The following GRM7 variants were observed in gnomAD, a reference collection of about 807,000 sequenced individuals.
GRM7 encodes the protein metabotropic glutamate receptor 7.
GRM7 carries 35 observed loss-of-function variants against 84.5 expected under a neutral mutation model. The ratio of observed to expected loss-of-function variants is 0.41; its 90% CI spans 0.32 to 0.55. The LOEUF (loss-of-function observed/expected upper bound fraction) is 0.55, where lower values mean the gene tolerates loss of function less well. Among genes scored for constraint, GRM7 ranks in the 20% least tolerant of loss-of-function variants. The pLI is 0.19. For synonymous variants in GRM7, 487 were observed against 455.1 expected, an observed-to-expected ratio of 1.07 and a Z score of -0.89; for missense variants, 1,003 against 1,194.6, an observed-to-expected ratio of 0.84 and a Z score of 2.36.
intron 1 of GRM7, among the ~76,000 whole-genome samples, chr3:6,952,251 C>T (rs764862778): frequency 1.8e-4 from 27 of 152,206 alleles, no homozygotes; most frequent in Non-Finnish European, 3.5e-4. Flanking sequence ...TCCAAGTCCT[C>T]AACCCACTAT....
intron 1 of GRM7, among the ~76,000 whole-genome samples, chr3:7,128,662 A>G (rs1693485893): frequency 9.4e-6 from 1 of 106,450 alleles, no homozygotes; most frequent in Non-Finnish European, 2.2e-5. Context: ...ACCCACCACC[A>G]CGCCCAGCTA....
At chr3:7,169,760 GATAA>G (rs770148157) in intron 2 of GRM7, among the ~76,000 whole-genome samples, 1 of 152,098 alleles carries the variant, frequency 6.6e-6, no homozygotes. Flanking sequence ...ATAAATAGGA[GATAA>G]ATAGAGACGT....
chr3:7,291,876 A>G (rs1699641581), intron 2 of GRM7, among the ~76,000 whole-genome samples: 1 of 152,148 alleles, frequency 6.6e-6, no homozygotes, highest in Non-Finnish European at 1.5e-5. Context: ...GGAGGGGCCC[A>G]GTGGGAGATA....
chr3:7,096,634 G>A (rs142863978), intron 1 of GRM7, among the ~76,000 whole-genome samples: 224 of 152,170 alleles, frequency 1.5e-3, no homozygotes, highest in African/African-American at 5.0e-3. Flanking sequence ...GAAATCATTG[G>A]CCACATGAGT....
intron 1 of GRM7, among the ~76,000 whole-genome samples, chr3:7,093,153 CCTTTGCCATTCACT>C (rs1698728060): frequency 6.6e-6 from 1 of 152,054 alleles, no homozygotes; most frequent in African/African-American, 2.4e-5. Context: ...GATGCAGAGA[CCTTTGCCATTCACT>C]CTCTTCCACT....
chr3:7,353,778 A>T (rs904438545), intron 4 of GRM7, among the ~76,000 whole-genome samples: 2 of 152,126 alleles, frequency 1.3e-5, no homozygotes, highest in Admixed American at 6.5e-5. Context: ...GAAGAATTGG[A>T]TCCTGGGGTG....
intron 7 of GRM7, among the ~76,000 whole-genome samples, chr3:7,548,738 C>T (rs991215675): frequency 2.0e-5 from 3 of 152,286 alleles, no homozygotes; most frequent in Non-Finnish European, 2.9e-5. Context: ...CATTTTGAAG[C>T]ACTAGTGTGT....
intron 1 of GRM7, among the ~76,000 whole-genome samples, chr3:7,136,772 G>T (rs944689646): frequency 6.6e-6 from 1 of 152,036 alleles, no homozygotes; most frequent in Admixed American, 6.6e-5. Flanking sequence ...TTCCTATGCT[G>T]TTCCCAATAG....
rs79062627 is a variant in GRM7, at chr3:7,550,746, G to A, written c.1516-27676G>A. 1.5e-3 allele frequency among the ~76,000 whole-genome samples: 229 copies of A among 151,974 alleles called. 1 individual carries two copies. Among genetic ancestry groups the A allele is most frequent in the African/African-American group, 5.3e-3 (220 of 41,436 alleles). ...TGCCCTGGATCACCCAGCAAACTCA[G>A]GTACGCTGGTGTTTGGTCTATAGCT... On this transcript the variant is annotated intron_variant, in intron 7 of 9. Coordinates refer to ENST00000357716, the MANE Select transcript of GRM7 (RefSeq NM_000844.4).
At chr3:7,506,075 G>A (rs979517236) in intron 7 of GRM7, among the ~76,000 whole-genome samples, 1 of 152,042 alleles carries the variant, frequency 6.6e-6, no homozygotes, top group Non-Finnish European at 1.5e-5. Flanking sequence ...TAGCCATTAA[G>A]CAGCCTGCAT....
chr3:7,163,138 A>G (rs1237137150), intron 2 of GRM7, among the ~76,000 whole-genome samples: 1 of 152,078 alleles, frequency 6.6e-6, no homozygotes, highest in Non-Finnish European at 1.5e-5. Context: ...GCTCTGGACT[A>G]TATCAGACTA....
intron 2 of GRM7, among the ~76,000 whole-genome samples, chr3:7,244,416 T>C (rs1398195303): frequency 1.3e-5 from 2 of 152,044 alleles, no homozygotes; most frequent in Non-Finnish European, 2.9e-5. Context: ...TAAAATGTAA[T>C]GTGTGAGACA....
intron 9 of GRM7, among the ~76,000 whole-genome samples, chr3:7,717,247 A>G (rs563472254): frequency 6.6e-6 from 1 of 152,338 alleles, no homozygotes; most frequent in South Asian, 2.1e-4. Context: ...AAAAACAGAC[A>G]GAAAAGACTT....
intron 1 of GRM7, among the ~76,000 whole-genome samples, chr3:7,064,261 A>G: frequency 6.7e-6 from 1 of 150,064 alleles, no homozygotes; most frequent in Non-Finnish European, 1.5e-5. Flanking sequence ...CAAGTCCCCA[A>G]AGTCCATTGT....
At chr3:7,602,084 A>C (rs1696344577) in intron 8 of GRM7, among the ~76,000 whole-genome samples, 1 of 102,146 alleles carries the variant, frequency 9.8e-6, no homozygotes. Flanking sequence ...CCAGGACAAA[A>C]AAAAAAAAAA....
chr3:7,470,815 A>G (rs866245677), intron 7 of GRM7, among the ~76,000 whole-genome samples: 2 of 144,412 alleles, frequency 1.4e-5, no homozygotes, highest in Non-Finnish European at 2.9e-5. Context: ...TTATGAAAAG[A>G]AAGAAAGTCA....
chr3:7,196,761 T>C (rs1245087841), intron 2 of GRM7, among the ~76,000 whole-genome samples: 3 of 152,178 alleles, frequency 2.0e-5, no homozygotes, highest in Non-Finnish European at 4.4e-5. Flanking sequence ...GCTTGGCATA[T>C]TTATAATTTC....
intron 1 of GRM7, among the ~76,000 whole-genome samples, chr3:7,045,519 C>T (rs1042024492): frequency 9.9e-5 from 15 of 152,076 alleles, no homozygotes; most frequent in African/African-American, 3.6e-4. Context: ...ACTTTGTGCC[C>T]TTTGACTAAT....
At chr3:7,266,326 T>C (rs866205939) in intron 2 of GRM7, among the ~76,000 whole-genome samples, 31 of 152,310 alleles carry the variant, frequency 2.0e-4, no homozygotes, top group Middle Eastern at 3.4e-3. Context: ...GAATATACCA[T>C]GCTTGACAGT....
Sources: allele counts gnomAD v4.1 joint callset (sites outside exome capture counted in the v4.1 genomes callset), GRCh38; gene constraint gnomAD v4.1.1; transcripts MANE v1.5; gene names NCBI Gene and HGNC (gene_info 2026-07-23, HGNC 2026-07-21).